CEP63: variants seen among roughly 807,000 people sequenced by gnomAD.
The protein encoded by CEP63 is centrosomal protein 63, also known as centrosomal protein of 63 kDa.
A neutral mutation model predicts 89.1 loss-of-function variants in CEP63; 84 were observed. The observed-to-expected ratio is 0.94, with a 90% CI of 0.79 to 1.13. The LOEUF is 1.13. CEP63 is among the 50% of genes most tolerant of loss of function. CEP63 has a pLI of 0.00. For missense variants in CEP63, 838 were observed against 813.3 expected (o/e 1.03, Z -0.37); for synonymous variants, 267 against 272.5 (o/e 0.98, Z 0.20).
intron 3 of CEP63, among the ~76,000 whole-genome samples, chr3:134,508,840 A>C (rs1255950316): frequency 6.6e-6 from 1 of 152,158 alleles, no homozygotes; most frequent in African/African-American, 2.4e-5. Context: ...TTAATTTGCT[A>C]CTTCATTGAT....
At chr3:134,774,917 G>A in the CEP63 span, among the ~76,000 whole-genome samples, 3 of 152,138 alleles carry the variant, frequency 2.0e-5, no homozygotes, top group Non-Finnish European at 4.4e-5. Context: ...TCCACCTTGG[G>A]CAGGCTGGAG....
chr3:134,560,380 G>A (rs528943797), intron 14 of CEP63, among the ~76,000 whole-genome samples: 3 of 152,306 alleles, frequency 2.0e-5, no homozygotes, highest in South Asian at 2.1e-4. Context: ...ATCAGTATGC[G>A]CAGCACTTCC....
the CEP63 span, among the ~76,000 whole-genome samples, chr3:134,599,137 C>A: frequency 6.6e-6 from 1 of 152,318 alleles, no homozygotes; most frequent in Admixed American, 6.5e-5. Flanking sequence ...CACAGAGACA[C>A]GGCATCACAA....
downstream of CEP63, among the ~76,000 whole-genome samples, chr3:134,567,107 C>T (rs1957799439): frequency 6.7e-6 from 1 of 150,204 alleles, no homozygotes; most frequent in African/African-American, 2.5e-5. Flanking sequence ...AAGTATTATA[C>T]TACTGATGCC....
exon 11 of CEP63, among the ~76,000 whole-genome samples, chr3:134,587,485 G>T (rs1338732856): frequency 6.6e-6 from 1 of 152,162 alleles, no homozygotes; most frequent in East Asian, 1.9e-4. Context: ...TTTGCTGGAG[G>T]TCCACTCCAG....
At chr3:134,658,824 C>T in the CEP63 span, among the ~76,000 whole-genome samples, 1 of 152,188 alleles carries the variant, frequency 6.6e-6, no homozygotes, top group Non-Finnish European at 1.5e-5. Flanking sequence ...CATGCAGACA[C>T]CAGCCCTGCT....
chr3:134,714,269 G>A, the CEP63 span, among the ~76,000 whole-genome samples: 1 of 152,044 alleles, frequency 6.6e-6, no homozygotes, highest in Non-Finnish European at 1.5e-5. Flanking sequence ...AGACTCTGAG[G>A]GAAAATCATT....
chr3:134,570,068 G>A (rs1957952999), intron 11 of CEP63, among the ~76,000 whole-genome samples: 1 of 152,206 alleles, frequency 6.6e-6, no homozygotes, highest in Admixed American at 6.5e-5. Context: ...GCTGCACACA[G>A]CATGGGGACC....
intron 1 of CEP63, chr3:134,488,138 C>T (rs1357943645): frequency 6.6e-6 from 1 of 152,250 alleles, no homozygotes; most frequent in Non-Finnish European, 1.5e-5. Context: ...GCTCTGCCTC[C>T]TGTCAGATCA....
the CEP63 span, among the ~76,000 whole-genome samples, chr3:134,778,390 C>T: frequency 2.6e-4 from 40 of 151,946 alleles, no homozygotes; most frequent in Non-Finnish European, 4.1e-4. Flanking sequence ...AGCCACCACA[C>T]CTGGCCCACA....
At chr3:134,575,680 C>T (rs1215418474), downstream of CEP63, among the ~76,000 whole-genome samples, 2 of 149,436 alleles carry the variant, frequency 1.3e-5, no homozygotes, top group Non-Finnish European at 3.0e-5. Flanking sequence ...GGCATAATCA[C>T]GGCTCACTGC....
At chr3:134,527,801 G>C (rs973220754) in intron 3 of CEP63, among the ~76,000 whole-genome samples, 3 of 152,220 alleles carry the variant, frequency 2.0e-5, no homozygotes, top group Non-Finnish European at 4.4e-5. Flanking sequence ...GGGGCCCTGG[G>C]AGAGGCCAGC....
At chr3:134,498,112 T>C (rs1256120887) in intron 2 of CEP63, among the ~76,000 whole-genome samples, 1 of 152,214 alleles carries the variant, frequency 6.6e-6, no homozygotes, top group East Asian at 1.9e-4. Context: ...AAGCATGTCA[T>C]AGGTATTTTG....
At chr3:134,486,294 C>T (rs928392550) in intron 1 of CEP63, 92 bp downstream of exon 1, 4 of 985,592 alleles carry the variant, frequency 4.1e-6, no homozygotes, top group South Asian at 9.4e-5. Context: ...GTGTCCTGGT[C>T]TGGAGGCGGC....
At chr3:134,738,834 T>C in the CEP63 span, among the ~76,000 whole-genome samples, 1 of 152,140 alleles carries the variant, frequency 6.6e-6, no homozygotes, top group African/African-American at 2.4e-5. Context: ...CAAAATATCT[T>C]AATAGCGTTT....
chr3:134,627,444 G>A, the CEP63 span, among the ~76,000 whole-genome samples: 1 of 152,048 alleles, frequency 6.6e-6, no homozygotes, highest in East Asian at 1.9e-4. Context: ...ACAGACATTT[G>A]GCATTCCATT....
At chr3:134,628,089 A>T in the CEP63 span, 1 of 498,432 alleles carries the variant, frequency 2.0e-6, no homozygotes, top group Non-Finnish European at 3.7e-6. Flanking sequence ...GCTCTGACCT[A>T]ACACTTTGGG....
intron 3 of CEP63, among the ~76,000 whole-genome samples, chr3:134,531,220 T>TC (rs2109029816): frequency 6.6e-6 from 1 of 152,356 alleles, no homozygotes; most frequent in East Asian, 1.9e-4. Context: ...TCCAGGACTC[T>TC]CAACACTTTA....
chr3:134,591,115 T>C (rs1435559552), downstream of CEP63, among the ~76,000 whole-genome samples: 1 of 152,220 alleles, frequency 6.6e-6, no homozygotes, highest in Non-Finnish European at 1.5e-5. Context: ...TTTCTAAATG[T>C]TCTTATTCTA....
Sources: allele counts gnomAD v4.1 joint callset (sites outside exome capture counted in the v4.1 genomes callset), GRCh38; gene constraint gnomAD v4.1.1; transcripts MANE v1.5; gene names NCBI Gene and HGNC (gene_info 2026-07-23, HGNC 2026-07-21).